The following NEO1 variants were observed in gnomAD, a reference collection of about 807,000 sequenced individuals.
NEO1 encodes neogenin 1.
Under a neutral mutation model 159.7 loss-of-function variants are expected in NEO1, and 63 were observed. The observed-to-expected ratio is 0.39, with a 90% CI of 0.32 to 0.49. NEO1 has a LOEUF of 0.49. Ranked by LOEUF, NEO1 falls within the 20% of genes least tolerant of loss-of-function variation. The pLI is 0.85. For missense variants in NEO1, 1,615 were observed against 1,831.0 expected (o/e 0.88, Z 2.15); for synonymous variants, 633 against 662.0 (o/e 0.96, Z 0.67).
At chr15:73,110,293 C>A (rs1187183965) in intron 1 of NEO1, among the ~76,000 whole-genome samples, 2 of 152,152 alleles carry the variant, frequency 1.3e-5, no homozygotes, top group African/African-American at 4.8e-5. Context: ...TGATACTTTT[C>A]TTACAATGAA....
chr15:73,182,422 A>T (rs1463382309), intron 7 of NEO1, among the ~76,000 whole-genome samples: 1 of 152,224 alleles, frequency 6.6e-6, no homozygotes, highest in African/African-American at 2.4e-5. Context: ...TAAAGAGCTT[A>T]GTAATCTACA....
intron 16 of NEO1, among the ~76,000 whole-genome samples, chr15:73,269,656 G>A (rs1032743678): frequency 2.6e-5 from 4 of 152,108 alleles, no homozygotes; most frequent in Non-Finnish European, 5.9e-5. Context: ...CACTGCACCT[G>A]GCCTCATGAG....
In NEO1 at chr15:73,146,660, G is replaced by A. The variant is rs184824916; in HGVS notation, c.1015+10633G>A. Reference sequence around the variant, plus strand: ...GAACCACAGTAGCCTCATTTCCATGGTAACTAACCACCTTCAGAAGAGAAC... The same window carrying A: ...GAACCACAGTAGCCTCATTTCCATGATAACTAACCACCTTCAGAAGAGAAC... On this transcript the variant is annotated intron_variant, in intron 5 of 28. Coordinates refer to ENST00000261908, the MANE Select transcript of NEO1 (RefSeq NM_002499.4). Among the ~76,000 whole-genome samples the A allele has an allele frequency of 2.0e-5, 3 of 152,180 alleles. No homozygotes were observed. The East Asian group carries it at 5.8e-4, about 29-fold the overall frequency.
At chr15:73,151,884 A>C (rs2033400401) in intron 5 of NEO1, among the ~76,000 whole-genome samples, 1 of 152,230 alleles carries the variant, frequency 6.6e-6, no homozygotes, top group Non-Finnish European at 1.5e-5. Flanking sequence ...AAGAAGCAAA[A>C]GAACAATCTC....
At chr15:73,062,228 AC>A (rs890294620) in intron 1 of NEO1, among the ~76,000 whole-genome samples, 1 of 152,138 alleles carries the variant, frequency 6.6e-6, no homozygotes, top group Admixed American at 6.5e-5. Context: ...AAGAAAAAAA[AC>A]CTCTGTAAAT....
intron 1 of NEO1, among the ~76,000 whole-genome samples, chr15:73,095,035 C>A (rs1422533151): frequency 6.6e-6 from 1 of 151,924 alleles, no homozygotes; most frequent in Non-Finnish European, 1.5e-5. Context: ...ATGGTGAAAC[C>A]CCGTCTCTAC....
chr15:73,279,260 T>A (rs1344225969), intron 22 of NEO1, among the ~76,000 whole-genome samples: 3 of 152,160 alleles, frequency 2.0e-5, no homozygotes, highest in African/African-American at 7.2e-5. Flanking sequence ...AGTATAATTT[T>A]TAAGGCTGTG....
chr15:73,265,288 G>C (rs148536525), intron 15 of NEO1, among the ~76,000 whole-genome samples: 1 of 152,302 alleles, frequency 6.6e-6, no homozygotes, highest in Non-Finnish European at 1.5e-5. Flanking sequence ...GTTGGTGGTA[G>C]TGTCGTTTAC....
At chr15:73,126,301 C>T (rs2030229146) in intron 3 of NEO1, 116 bp from the exon 4 acceptor site, 3 of 871,400 alleles carry the variant, frequency 3.4e-6, no homozygotes, top group Non-Finnish European at 5.2e-6. Context: ...AACTCCTGGG[C>T]TCAAGCAGTC....
rs372320512 is a variant in NEO1, at chr15:73,126,461, C to G, written c.769C>G (p.Pro257Ala). 18 of 1,612,836 alleles carry G rather than the reference C, an allele frequency of 1.1e-5. No homozygotes were observed. The highest frequency in any genetic ancestry group is 1.4e-5 in the Non-Finnish European group (17 of 1,179,606). ...SDLVFLKQPS[P>A]LVRVIGQDVV... The stretch of plus-strand genomic sequence containing the variant: ...CTTGGTATTTTTGAAACAGCCTTCT[C>G]CCTTAGTCAGAGTCATTGGTCAGGA... Residue 257 changes from proline to alanine, a missense_variant, in exon 4 of 29, where the codon CCC (proline) becomes GCC (alanine). Physicochemically the swap from Pro to Ala is conservative, Grantham distance 27. Around this residue, in one of 3 missense-constraint regions of NEO1, gnomAD observed 1,018 missense variants for 1,115.4 expected, o/e 0.91. Coordinates refer to ENST00000261908, the MANE Select transcript of NEO1 (RefSeq NM_002499.4).
rs112258191 is a variant in NEO1, at chr15:73,162,384, T to TTTG, written c.1016-13994_1016-13992dup. ...GCCACTATTACTTTATTTATTTTGT[T>TTTG]TTGTTGTTGTTGTTGTTGTTGTTGT... On this transcript the variant is annotated intron_variant, in intron 5 of 28. Transcript: ENST00000261908. The TTTG allele has an allele frequency of 4.8e-3, 754 of 157,334 alleles. 1 individual carries two copies. The highest frequency in any genetic ancestry group is 8.3e-3 in the East Asian group (47 of 5,654). 9.7% of individuals were successfully genotyped at this position (157,334 alleles called of 1,614,324 possible). A position where few individuals can be genotyped will look rare whatever the true frequency, so the allele number is the denominator to read the frequency against.
At chr15:73,187,897 T>G (rs1187322836) in intron 7 of NEO1, among the ~76,000 whole-genome samples, 5 of 152,140 alleles carry the variant, frequency 3.3e-5, no homozygotes, top group Admixed American at 3.3e-4. Context: ...ATATAAACAT[T>G]ATATTCTACG....
At chr15:73,128,180 C>T (rs1290596528) in intron 4 of NEO1, among the ~76,000 whole-genome samples, 1 of 152,030 alleles carries the variant, frequency 6.6e-6, no homozygotes, top group African/African-American at 2.4e-5. Context: ...TGCTTCCTCC[C>T]TGTCTTTCCA....
intron 5 of NEO1, among the ~76,000 whole-genome samples, chr15:73,139,448 C>G (rs1567292754): frequency 2.6e-5 from 4 of 152,060 alleles, no homozygotes; most frequent in Admixed American, 6.5e-5. Flanking sequence ...AAAATGATAA[C>G]AAGAGCAAAA....
At chr15:73,182,818 G>T (rs1010673311) in intron 7 of NEO1, among the ~76,000 whole-genome samples, 2 of 152,174 alleles carry the variant, frequency 1.3e-5, no homozygotes, top group Non-Finnish European at 2.9e-5. Context: ...TGAGGTTTGG[G>T]TGGGGACACA....
At chr15:73,084,162 T>TA (rs542689537) in intron 1 of NEO1, among the ~76,000 whole-genome samples, 15 of 150,100 alleles carry the variant, frequency 1.0e-4, no homozygotes, top group East Asian at 5.8e-4. Flanking sequence ...AAAGTATAAT[T>TA]AAAAAAAAAA....
chr15:73,241,819 A>C (rs1416760384), intron 8 of NEO1, among the ~76,000 whole-genome samples: 1 of 152,076 alleles, frequency 6.6e-6, no homozygotes, highest in Non-Finnish European at 1.5e-5. Context: ...GTGTCAGATC[A>C]CCTATGACTG....
intron 9 of NEO1, among the ~76,000 whole-genome samples, chr15:73,247,649 T>G (rs1289253094): frequency 6.6e-6 from 1 of 152,254 alleles, no homozygotes; most frequent in African/African-American, 2.4e-5. Flanking sequence ...GGAAAGCCAG[T>G]GTGTTTTACA....
chr15:73,103,694 G>A (rs1484679176), intron 1 of NEO1, among the ~76,000 whole-genome samples: 2 of 152,082 alleles, frequency 1.3e-5, no homozygotes, highest in African/African-American at 4.8e-5. Flanking sequence ...TTAGCATGTG[G>A]CACCCACTCT....
Sources: allele counts gnomAD v4.1 joint callset (sites outside exome capture counted in the v4.1 genomes callset), GRCh38; gene constraint gnomAD v4.1.1; regional missense constraint gnomAD v4.1.1; transcripts MANE v1.5; gene names NCBI Gene and HGNC (gene_info 2026-07-23, HGNC 2026-07-21).